The following TOP2A variants were observed in gnomAD, a reference collection of about 807,000 sequenced individuals.
TOP2A encodes the protein DNA topoisomerase II alpha, also known as DNA topoisomerase 2-alpha.
In TOP2A, 68 loss-of-function variants were observed where a neutral mutation model predicts 187.2. The ratio of observed to expected loss-of-function variants is 0.36; its 90% CI spans 0.30 to 0.44. The LOEUF (loss-of-function observed/expected upper bound fraction) is 0.44. TOP2A is among the 20% of genes least tolerant of loss of function. TOP2A has a pLI of 1.00. For synonymous variants in TOP2A, 542 were observed against 593.2 expected, an observed-to-expected ratio of 0.91 and a Z score of 1.25; for missense variants, 1,196 against 1,808.7, an observed-to-expected ratio of 0.66 and a Z score of 6.14.
chr17:40,408,676 G>A (rs369518361), intron 10 of TOP2A, 46 bp from the exon 11 acceptor site: 1 of 1,579,874 alleles, frequency 6.3e-7, no homozygotes, highest in South Asian at 1.1e-5. Context: ...AGGGAAGAAG[G>A]GATCTATCAG....
Position 40,413,604 on chromosome 17 carries a change from T to C in TOP2A, c.354A>G (p.Ile118Met). 1 of 1,408,610 alleles carries C rather than the reference T, an allele frequency of 7.1e-7. No homozygotes were observed. Among genetic ancestry groups the C allele is most frequent in the Non-Finnish European group, 9.6e-7 (1 of 1,039,846 alleles). The allele number at this position is 1,408,610 out of a possible 1,614,324, so 87.3% of individuals were successfully genotyped here. ...CAGGAATACCTTTTCCATTATTCCA[T>C]ATACTAATTAAATTGTTTTCCCTAA... Reference protein sequence around the residue: ...TIDPENNLISIWNNGKGIPVV... With the variant: ...TIDPENNLISMWNNGKGIPVV... The change falls in exon 5 of 35, where the codon ATA becomes ATG. Residue 118 changes from isoleucine to methionine, a missense_variant. Transcript: ENST00000423485.
rs746380490 is a variant in TOP2A at position 40,408,657 on chromosome 17, GATC to G, written c.1204-30_1204-28del. ...TGAAAACGAGAAGATTCATATTAGG[GATC>G]ATATTAGGGAAGAAGGGATCTATCA... On this transcript the variant is annotated intron_variant, in intron 10 of 34. Coordinates refer to ENST00000423485, the MANE Select transcript of TOP2A (RefSeq NM_001067.4). 17 of 1,609,662 alleles carry G rather than the reference GATC, an allele frequency of 1.1e-5. No homozygotes were observed. The African/African-American group carries it at 1.3e-4, about 13-fold the overall frequency.
chr17:40,391,707 G>C, intron 32 of TOP2A, 67 bp from the exon 33 acceptor site: 2 of 1,427,898 alleles, frequency 1.4e-6, no homozygotes, highest in South Asian at 3.0e-5. Flanking sequence ...TTTCTGCTTT[G>C]TCCCTGGTAT....
intron 28 of TOP2A, 69 bp from the exon 29 acceptor site, chr17:40,395,608 A>AT (rs2035085934): frequency 2.4e-6 from 3 of 1,228,438 alleles, no homozygotes; most frequent in South Asian, 2.7e-5. Context: ...GATTTTATAC[A>AT]TTTTTGGCTG....
Position 40,396,483 on chromosome 17 carries a change from GAA to G in TOP2A, c.3538-20_3538-19del, listed in dbSNP as rs753603429. 6.2e-7 allele frequency: 1 copy of G among 1,601,542 alleles called. No individual in the cohort carries two copies. The highest frequency in any genetic ancestry group is 1.7e-4 in the Middle Eastern group (1 of 5,986). ...TCAACAGCCTACAGAAGGGATATAAGAAAGCAAGTTTAAATGTTAACAAAAAC... is the reference window on the plus strand; with the variant it reads ...TCAACAGCCTACAGAAGGGATATAAGAGCAAGTTTAAATGTTAACAAAAAC... On this transcript the variant is annotated intron_variant, in intron 27 of 34. Transcript: ENST00000423485.
intron 34 of TOP2A, 32 bp downstream of exon 34, chr17:40,389,933 C>T (rs1022812423): frequency 1.9e-6 from 3 of 1,583,776 alleles, no homozygotes; most frequent in Non-Finnish European, 2.6e-6. Context: ...AGAACATCTA[C>T]AGCAAAAGGA....
intron 29 of TOP2A, 98 bp downstream of exon 29, chr17:40,395,351 T>G: frequency 1.7e-6 from 1 of 601,892 alleles, no homozygotes; most frequent in Non-Finnish European, 2.7e-6. Context: ...CGTTTCTCAA[T>G]TCAACAAAAA....
intron 32 of TOP2A, 120 bp from the exon 33 acceptor site, chr17:40,391,760 T>C: frequency 9.0e-7 from 1 of 1,105,248 alleles, no homozygotes; most frequent in Non-Finnish European, 1.2e-6. Context: ...TTCTGGAATA[T>C]TTAAAACATA....
At chr17:40,417,742 C>T in intron 1 of TOP2A, 29 bp downstream of exon 1, 1 of 1,612,278 alleles carries the variant, frequency 6.2e-7, no homozygotes, top group Non-Finnish European at 8.5e-7. Context: ...CGCGGAGGCT[C>T]CACCGCCAGT....
chr17:40,391,445 A>G, intron 33 of TOP2A, 61 bp downstream of exon 33: 1 of 1,485,870 alleles, frequency 6.7e-7, no homozygotes, highest in Non-Finnish European at 9.0e-7. Context: ...AAATTGAAAT[A>G]GACACGTGGA....
At chr17:40,416,564 T>A (rs2035392970) in intron 2 of TOP2A, 52 bp from the exon 3 acceptor site, 1 of 1,477,032 alleles carries the variant, frequency 6.8e-7, no homozygotes, top group African/African-American at 1.4e-5. Flanking sequence ...TTCATTGTTC[T>A]GTTATCATGA....
At position 40,400,229 on chromosome 17, in the gene TOP2A, T is replaced by A. The variant is rs749465952; in HGVS notation, c.2980A>T (p.Ser994Cys). 9.9e-6 allele frequency: 16 copies of A among 1,613,926 alleles called. No homozygotes were observed. The South Asian group carries it at 1.6e-4, about 17-fold the overall frequency. ...GLHKVFKLQT[S>C]LTCNSMVLFD... ...CATACCATAGAGTTGCATGTGAGACTAGTTTGGAGTTTGAAGACTTTGTGT... is the reference window on the plus strand; with the variant it reads ...CATACCATAGAGTTGCATGTGAGACAAGTTTGGAGTTTGAAGACTTTGTGT... The change falls in exon 23 of 35, where the codon AGT (serine) becomes TGT (cysteine). Residue 994 changes from serine to cysteine, a missense_variant. Physicochemically the swap from Ser to Cys is moderately radical, Grantham distance 112. Transcript: ENST00000423485.
In TOP2A at chr17:40,392,332, T is replaced by G; in HGVS notation, c.3974A>C (p.Lys1325Thr). The G allele has an allele frequency of 1.9e-6, 3 of 1,587,262 alleles. No individual in the cohort carries two copies. Among genetic ancestry groups the G allele is most frequent in the Non-Finnish European group, 2.6e-6 (3 of 1,165,818 alleles). Reference sequence around the variant, plus strand: ...ATCTGAATCCAAATCCATTGTGAATTTTGTTTTTGCTAGTAAAAAAACCAT... The same window carrying G: ...ATCTGAATCCAAATCCATTGTGAATGTTGTTTTTGCTAGTAAAAAAACCAT... ...TEPRRAATKTKFTMDLDSDED... is the reference protein window; with the variant it reads ...TEPRRAATKTTFTMDLDSDED... The change falls in exon 31 of 35, where the codon AAA becomes ACA. Residue 1325 changes from lysine (K) to threonine (T), a missense_variant. Lys to Thr is a moderately conservative substitution (Grantham distance 78). Coordinates refer to ENST00000423485, the MANE Select transcript of TOP2A (RefSeq NM_001067.4).
chr17:40,414,614 G>A (rs777667172), intron 4 of TOP2A, among the ~76,000 whole-genome samples: 12 of 152,074 alleles, frequency 7.9e-5, no homozygotes, highest in Non-Finnish European at 1.3e-4. Flanking sequence ...AGCACTTTGG[G>A]AGGCTAAGGC....
intron 12 of TOP2A, 109 bp downstream of exon 12, chr17:40,407,858 C>T (rs1486116750): frequency 1.5e-6 from 2 of 1,322,800 alleles, no homozygotes; most frequent in Non-Finnish European, 2.1e-6. Flanking sequence ...AAAATAAGCA[C>T]AAATTGTCTA....
At chr17:40,415,057 C>CTTTTT (rs199613504) in intron 4 of TOP2A, among the ~76,000 whole-genome samples, 1 of 141,046 alleles carries the variant, frequency 7.1e-6, no homozygotes, top group African/African-American at 2.6e-5. Flanking sequence ...ATTAGCTCAA[C>CTTTTT]TTTTTTTTTT....
Position 40,413,476 on chromosome 17 carries a change from C to G in TOP2A, c.478+4G>C. ...AAATATGTTATTTCCCCTCAATACT[C>G]TACCTGTCACTTTCTTTTCATCATC... is the stretch of plus-strand genomic sequence containing the variant. On this transcript the variant is annotated splice_donor_region_variant and intron_variant, in intron 5 of 34. Transcript: ENST00000423485. 1 of 1,525,084 alleles carries G rather than the reference C, an allele frequency of 6.6e-7. No homozygotes were observed. Among genetic ancestry groups the G allele is most frequent in the Non-Finnish European group, 8.8e-7 (1 of 1,137,266 alleles). 94.5% of individuals were successfully genotyped at this position (1,525,084 alleles called of 1,614,324 possible).
At chr17:40,395,138 C>T (rs920034418) in intron 29 of TOP2A, among the ~76,000 whole-genome samples, 2 of 151,974 alleles carry the variant, frequency 1.3e-5, no homozygotes, top group Non-Finnish European at 2.9e-5. Context: ...CAAAAAGCAG[C>T]CAGGCGTGGT....
In TOP2A at chr17:40,389,623, A is replaced by G; in HGVS notation, c.4492T>C (p.Phe1498Leu). 6.2e-7 allele frequency: 1 copy of G among 1,610,144 alleles called. No homozygotes were observed. Among genetic ancestry groups the G allele is most frequent in the Non-Finnish European group, 8.5e-7 (1 of 1,178,156 alleles). The change falls in exon 35 of 35, where the codon TTC becomes CTC. Residue 1498 changes from phenylalanine (F) to leucine (L), a missense_variant. Physicochemically the swap from Phe to Leu is conservative, Grantham distance 22 (BLOSUM62 0). Transcript: ENST00000423485. ...SKKSKGESDD[F>L]HMDFDSAVAP... ...ACAGCTGAGTCAAAGTCCATATGGA[A>G]GTCATCACTCTCCCCCTTGGATTTC...
Sources: gnomAD v4.1 joint callset for allele counts (sites outside exome capture counted in the v4.1 genomes callset) on GRCh38, gnomAD v4.1.1 for gene constraint, MANE v1.5 for transcripts, NCBI Gene and HGNC (gene_info 2026-07-23, HGNC 2026-07-21) for gene names.